The following FAM234B variants were observed in gnomAD, a reference collection of about 807,000 sequenced individuals.
FAM234B encodes protein FAM234B.
In FAM234B, 33 loss-of-function variants were observed where a neutral mutation model predicts 69.3. The observed-to-expected ratio is 0.48, with a 90% CI of 0.36 to 0.64. The LOEUF (loss-of-function observed/expected upper bound fraction) is 0.64, where lower values mean the gene tolerates loss of function less well. Ranked by LOEUF, FAM234B falls within the 30% of genes least tolerant of loss-of-function variation. The pLI is 0.00. For synonymous variants in FAM234B, 306 were observed against 306.9 expected (o/e 1.00, Z 0.03); for missense variants, 697 against 769.7 (o/e 0.91, Z 1.12).
intron 5 of FAM234B, 110 bp downstream of exon 5, chr12:13,063,085 A>G: frequency 7.7e-7 from 1 of 1,305,744 alleles, no homozygotes; most frequent in Non-Finnish European, 1.1e-6. Context: ...TCTTTTTACA[A>G]GGGTTTAGGT....
chr12:13,079,120 C>T (rs569604385), intron 11 of FAM234B, among the ~76,000 whole-genome samples: 11 of 152,148 alleles, frequency 7.2e-5, no homozygotes, highest in South Asian at 6.2e-4. Flanking sequence ...GGAGGCATCA[C>T]GCTACCTGAC....
chr12:13,076,452 A>G (rs1865161804), intron 11 of FAM234B, among the ~76,000 whole-genome samples: 1 of 152,244 alleles, frequency 6.6e-6, no homozygotes, highest in Non-Finnish European at 1.5e-5. Flanking sequence ...CATCATCTGT[A>G]TGCCAGACAC....
chr12:13,071,496 C>T (rs904665173), intron 10 of FAM234B, 100 bp downstream of exon 10: 20 of 1,149,926 alleles, frequency 1.7e-5, no homozygotes, highest in Non-Finnish European at 2.4e-5. Context: ...CATCACTTTC[C>T]AAGGGGTTGG....
intron 3 of FAM234B, among the ~76,000 whole-genome samples, chr12:13,060,697 T>C (rs1183250083): frequency 6.6e-6 from 1 of 152,214 alleles, no homozygotes; most frequent in African/African-American, 2.4e-5. Context: ...AGAAGGAAGC[T>C]CTAAAAGTTT....
chr12:13,059,929 GGGTTT>G (rs1218869515), intron 3 of FAM234B, among the ~76,000 whole-genome samples: 2 of 152,226 alleles, frequency 1.3e-5, no homozygotes, highest in Admixed American at 1.3e-4. Context: ...GCAAGGCCAT[GGGTTT>G]GGACACAATA....
In FAM234B at chr12:13,067,319, G is replaced by C. The variant is rs763192106; in HGVS notation, c.1142+23G>C. The C allele has an allele frequency of 6.2e-7, 1 of 1,613,354 alleles. No homozygotes were observed. Among genetic ancestry groups the C allele is most frequent in the East Asian group, 2.2e-5 (1 of 44,872 alleles). ...CAGGTAGGGCAGACGTCTGTCCTTG[G>C]TCACAGTGAGATCTCTTGTGAACTC... On this transcript the variant is annotated intron_variant, in intron 7 of 12. Transcript: ENST00000197268. The surrounding 1 kb of genome is among the most constrained non-coding windows in gnomAD (Gnocchi z 4.7).
chr12:13,054,122 A>G (rs868322478), intron 1 of FAM234B, among the ~76,000 whole-genome samples: 5 of 152,194 alleles, frequency 3.3e-5, no homozygotes, highest in Admixed American at 6.5e-5. Context: ...TTTACAATCA[A>G]TTTGTACAAT....
chr12:13,071,272 T>C lies in FAM234B; in HGVS notation c.1400T>C (p.Ile467Thr), dbSNP rs1591601454. The part of the protein sequence containing the change: ...MMVVDGDSGS[I>T]VWSYRAPCHM... The stretch of plus-strand genomic sequence containing the variant: ...GTTGTGGATGGTGACTCTGGCTCCA[T>C]TGTTTGGAGTTACCGTGCTCCGTGT... The change falls in exon 10 of 13, where the codon ATT (isoleucine) becomes ACT (threonine). Residue 467 changes from isoleucine to threonine, a missense_variant. Transcript: ENST00000197268. 4 of 1,614,186 alleles carry C rather than the reference T, an allele frequency of 2.5e-6. No homozygotes were observed. Among genetic ancestry groups the C allele is most frequent in the Non-Finnish European group, 2.5e-6 (3 of 1,180,026 alleles).
At chr12:13,046,217 G>T (rs1019979979) in intron 1 of FAM234B, among the ~76,000 whole-genome samples, 2 of 96,774 alleles carry the variant, frequency 2.1e-5, no homozygotes, top group Admixed American at 1.0e-4. Flanking sequence ...GCAGGGTCGG[G>T]CCTGGTTAGT....
intron 3 of FAM234B, among the ~76,000 whole-genome samples, chr12:13,059,866 T>C (rs1166414648): frequency 1.3e-5 from 2 of 152,214 alleles, no homozygotes; most frequent in African/African-American, 4.8e-5. Context: ...TTTAGAGATG[T>C]TTTTAGTCAT....
chr12:13,052,719 T>C (rs1343726724), intron 1 of FAM234B, among the ~76,000 whole-genome samples: 2 of 140,720 alleles, frequency 1.4e-5, no homozygotes, highest in African/African-American at 5.6e-5. Context: ...GCTCATTTCA[T>C]TTAGCGTAAT....
At chr12:13,060,990 T>C (rs1239183486) in intron 3 of FAM234B, among the ~76,000 whole-genome samples, 1 of 152,236 alleles carries the variant, frequency 6.6e-6, no homozygotes, top group Non-Finnish European at 1.5e-5. Flanking sequence ...CCACTCATCA[T>C]TGCTATATGT....
Position 13,081,716 on chromosome 12 carries a change from T to C in FAM234B, c.*1086T>C, listed in dbSNP as rs1865229732. 1 of 152,220 alleles carries C rather than the reference T, an allele frequency of 6.6e-6. No individual in the cohort carries two copies. Among genetic ancestry groups the C allele is most frequent in the Non-Finnish European group, 1.5e-5 (1 of 68,038 alleles). 9.4% of individuals were successfully genotyped at this position (152,220 alleles called of 1,614,324 possible). On this transcript the variant is annotated 3_prime_UTR_variant, in exon 13 of 13. Transcript: ENST00000197268. ...GCATTGTATTTTGGGAAAATTCTTC[T>C]GTAAATACTATAACTTTTATAAATG... is the stretch of plus-strand genomic sequence containing the variant.
chr12:13,067,669 C>T lies in FAM234B; in HGVS notation c.1142+373C>T, dbSNP rs1169021469. 2.0e-5 allele frequency among the ~76,000 whole-genome samples: 3 copies of T among 152,182 alleles called. No individual in the cohort carries two copies. The highest frequency in any genetic ancestry group is 3.8e-4 in the East Asian group (2 of 5,202). ...TCTCTTAGTTGAAGCATCATTTTGA[C>T]AGAAGCAAGGATAGTGTCCATGAAA... On this transcript the variant is annotated intron_variant, in intron 7 of 12. Coordinates refer to ENST00000197268, the MANE Select transcript of FAM234B (RefSeq NM_020853.2). This position sits in a 1 kb window ranked among gnomAD's most constrained non-coding sequence, Gnocchi z 4.7.
chr12:13,060,423 C>T (rs1158563109), intron 3 of FAM234B, among the ~76,000 whole-genome samples: 4 of 152,106 alleles, frequency 2.6e-5, no homozygotes, highest in East Asian at 3.8e-4. Context: ...GCTTTGGCCT[C>T]GAGAAGTCAT....
At position 13,062,946 on chromosome 12, in the gene FAM234B, C is replaced by A. The variant is rs200135145; in HGVS notation, c.823C>A (p.Leu275Ile). Residue 275 changes from leucine (L) to isoleucine (I), a missense_variant, in exon 5 of 13, where the codon CTT (leucine) becomes ATT (isoleucine). Transcript: ENST00000197268. ...CTTGGATGAAGACGGTGTTCGAGACCTTGTGGTTCTGGCCATTGGGGAATT... is the reference window on the plus strand; with the variant it reads ...CTTGGATGAAGACGGTGTTCGAGACATTGTGGTTCTGGCCATTGGGGAATT... ...PDLDEDGVRD[L>I]VVLAIGELQP... 1.9e-6 allele frequency: 3 copies of A among 1,614,014 alleles called. No individual in the cohort carries two copies. Among genetic ancestry groups the A allele is most frequent in the Non-Finnish European group, 2.5e-6 (3 of 1,179,924 alleles).
Position 13,067,220 on chromosome 12 carries a change from C to A in FAM234B, c.1066C>A (p.Pro356Thr). Residue 356 changes from proline to threonine, a missense_variant, in exon 7 of 13, where the codon CCT becomes ACT. Pro to Thr is a conservative substitution (Grantham distance 38). Coordinates refer to ENST00000197268, the MANE Select transcript of FAM234B (RefSeq NM_020853.2). The surrounding 1 kb of genome is among the most constrained non-coding windows in gnomAD (Gnocchi z 4.7). ...VQAQNRDSSP[P>T]SLQIEEPEWE... The stretch of plus-strand genomic sequence containing the variant: ...GGCCCAAAATCGAGACAGCTCACCA[C>A]CTTCTCTGCAGATAGAAGAGCCAGA... 1 of 1,613,926 alleles carries A rather than the reference C, an allele frequency of 6.2e-7. No homozygotes were observed. Among genetic ancestry groups the A allele is most frequent in the East Asian group, 2.2e-5 (1 of 44,902 alleles).
chr12:13,057,046 C>T lies in FAM234B; in HGVS notation c.433+1100C>T, dbSNP rs144960739. Among the ~76,000 whole-genome samples the T allele has an allele frequency of 1.0e-4, 15 of 148,586 alleles. No homozygotes were observed. The East Asian group carries it at 3.0e-3, about 30-fold the overall frequency. ...AGGCTGGGGTGCAGTGGCATGATCTCGGCTTACTGCAGGCTTCACCTCCCG... is the reference window on the plus strand; with the variant it reads ...AGGCTGGGGTGCAGTGGCATGATCTTGGCTTACTGCAGGCTTCACCTCCCG... On this transcript the variant is annotated intron_variant, in intron 2 of 12. Coordinates refer to ENST00000197268, the MANE Select transcript of FAM234B (RefSeq NM_020853.2).
intron 3 of FAM234B, among the ~76,000 whole-genome samples, chr12:13,060,528 C>T (rs909938527): frequency 3.9e-5 from 6 of 152,172 alleles, no homozygotes; most frequent in Non-Finnish European, 7.3e-5. Context: ...AAGAACCACA[C>T]AGGATAGGGA....
Sources: allele counts gnomAD v4.1 joint callset (sites outside exome capture counted in the v4.1 genomes callset), GRCh38; gene constraint gnomAD v4.1.1; non-coding constraint Gnocchi (gnomAD v3.1); transcripts MANE v1.5; gene names NCBI Gene and HGNC (gene_info 2026-07-23, HGNC 2026-07-21).